ANKUB1: variants seen among roughly 807,000 people sequenced by gnomAD.
The protein encoded by ANKUB1 is protein ANKUB1.
A neutral mutation model predicts 49.3 loss-of-function variants in ANKUB1; 42 were observed. That is an observed-to-expected ratio of 0.85 (90% CI 0.67 to 1.10). The LOEUF (loss-of-function observed/expected upper bound fraction) is 1.10. Ranked by LOEUF, ANKUB1 falls within the 50% of genes least tolerant of loss-of-function variation. ANKUB1 has a pLI of 0.00. For synonymous variants in ANKUB1, 222 were observed against 231.0 expected (o/e 0.96, Z 0.35); for missense variants, 613 against 642.0 (o/e 0.95, Z 0.49).
chr3:149,769,508 T>C (rs909022144), intron 4 of ANKUB1, among the ~76,000 whole-genome samples: 4 of 152,212 alleles, frequency 2.6e-5, no homozygotes, highest in Non-Finnish European at 5.9e-5. Context: ...TAGAGTTACG[T>C]CTTGATAAAA....
At chr3:149,782,794 C>A (rs1451922023) in intron 2 of ANKUB1, among the ~76,000 whole-genome samples, 1 of 152,180 alleles carries the variant, frequency 6.6e-6, no homozygotes, top group Admixed American at 6.5e-5. Flanking sequence ...TCCACCTCAG[C>A]CTCCCAAAGT....
intron 5 of ANKUB1, among the ~76,000 whole-genome samples, chr3:149,763,240 C>T (rs1716852376): frequency 6.6e-6 from 1 of 152,282 alleles, no homozygotes; most frequent in East Asian, 1.9e-4. Context: ...CAGCCTTTCC[C>T]TGTATCCCAC....
chr3:149,773,193 G>A (rs1333746354), intron 3 of ANKUB1, among the ~76,000 whole-genome samples: 1 of 151,604 alleles, frequency 6.6e-6, no homozygotes, highest in East Asian at 1.9e-4. Context: ...CTCTGTACAC[G>A]AACACGACAA....
At chr3:149,786,524 T>C (rs1366495088) in intron 2 of ANKUB1, among the ~76,000 whole-genome samples, 1 of 152,242 alleles carries the variant, frequency 6.6e-6, no homozygotes, top group Admixed American at 6.5e-5. Flanking sequence ...TCTCCAATTC[T>C]GTAGGTTGCC....
intron 2 of ANKUB1, 28 bp from the exon 3 acceptor site, chr3:149,780,483 AT>A: frequency 6.6e-7 from 1 of 1,526,654 alleles, no homozygotes; most frequent in Non-Finnish European, 8.9e-7. Flanking sequence ...GAGGGAACTT[AT>A]TGTCTGGAGG....
At chr3:149,773,442 G>A (rs1019738031) in intron 3 of ANKUB1, among the ~76,000 whole-genome samples, 1 of 152,188 alleles carries the variant, frequency 6.6e-6, no homozygotes, top group African/African-American at 2.4e-5. Context: ...TCAGCTAGAA[G>A]AGTTTACTCT....
rs1388968050 is a variant in ANKUB1 at position 149,761,552 on chromosome 3, T to C, written c.1567A>G (p.Ser523Gly). ...CCTCGGGTAGTCAAGTTAGAAATGC[T>C]CTTTTTGGCCAGGACTCTTGCTATT... Reference protein sequence around the residue: ...LEIARVLAKKSISNLTTRGGL... With the variant: ...LEIARVLAKKGISNLTTRGGL... Residue 523 changes from serine to glycine, a missense_variant, in exon 6 of 6, where the codon AGC becomes GGC. Physicochemically the swap from Ser to Gly is moderately conservative, Grantham distance 56. Transcript: ENST00000446160. 1 of 1,551,450 alleles carries C rather than the reference T, an allele frequency of 6.4e-7. No homozygotes were observed. The highest frequency in any genetic ancestry group is 2.0e-5 in the Admixed American group (1 of 50,994).
Position 149,767,763 on chromosome 3 carries a change from G to C in ANKUB1, c.899C>G (p.Thr300Arg). 1 of 1,551,618 alleles carries C rather than the reference G, an allele frequency of 6.4e-7. No individual in the cohort carries two copies. The highest frequency in any genetic ancestry group is 8.7e-7 in the Non-Finnish European group (1 of 1,146,944). ...GACTGAAATTTTTGGAAAAGAAACT[G>C]TGGACCACATTTTACTGAGCAAATA... is the stretch of plus-strand genomic sequence containing the variant. ...VLYLLSKMWSTVSFPKISVPM... is the reference protein window; with the variant it reads ...VLYLLSKMWSRVSFPKISVPM... Residue 300 changes from threonine to arginine, a missense_variant, in exon 5 of 6, where the codon ACA (threonine) becomes AGA (arginine). Thr to Arg is a moderately conservative substitution (Grantham distance 71). Transcript: ENST00000446160.
rs530465311 is a variant in ANKUB1 at position 149,768,046 on chromosome 3, C to A, written c.616G>T (p.Glu206Ter). ...LYIAAFCGYI[E>*]LTEWALKQGA... Reference sequence around the variant, plus strand: ...TGCTTCAGGGCCCATTCAGTGAGTTCAATGTACCCACAAAAAGCAGCAATG... The same window carrying A: ...TGCTTCAGGGCCCATTCAGTGAGTTAAATGTACCCACAAAAAGCAGCAATG... The change falls in exon 5 of 6, where the codon GAA becomes TAA. Residue 206 changes from glutamate to a stop codon, truncating the protein, a stop_gained. Coordinates refer to ENST00000446160, the MANE Select transcript of ANKUB1 (RefSeq NM_001144960.3). LOFTEE classifies it high-confidence loss of function. The A allele has an allele frequency of 2.7e-6, 4 of 1,455,222 alleles. No individual in the cohort carries two copies. In the Admixed American group the frequency reaches 8.2e-5, roughly 30 times the overall value. 90.1% of individuals were successfully genotyped at this position (1,455,222 alleles called of 1,614,324 possible). A position where few individuals can be genotyped will look rare whatever the true frequency, so the allele number is the denominator to read the frequency against.
intron 2 of ANKUB1, among the ~76,000 whole-genome samples, chr3:149,789,186 C>A (rs1718246676): frequency 6.6e-6 from 1 of 152,114 alleles, no homozygotes; most frequent in Non-Finnish European, 1.5e-5. Flanking sequence ...TAAAATCAGT[C>A]CTTAGTTAAA....
chr3:149,771,279 C>T (rs974435726), intron 3 of ANKUB1, among the ~76,000 whole-genome samples: 8 of 152,154 alleles, frequency 5.3e-5, no homozygotes, highest in South Asian at 2.1e-4. Flanking sequence ...CTCAGCCTTC[C>T]GTTCTTCTCA....
rs2108263959 is a variant in ANKUB1, at chr3:149,767,414, GA to G, written c.1247del (p.Phe416SerfsTer26). 6.4e-7 allele frequency: 1 copy of G among 1,551,728 alleles called. No homozygotes were observed. The highest frequency in any genetic ancestry group is 8.7e-7 in the Non-Finnish European group (1 of 1,146,996). The stretch of plus-strand genomic sequence containing the variant: ...GTTGTTGATGTTTTTGTAATTCAGA[GA>G]ATGAACTTGCATTCACCAGTGGATG... The part of the protein sequence containing the change: ...KFHPLVNASS[F>X]SELQKHQQQN... On this transcript the variant is annotated frameshift_variant, in exon 5 of 6. Transcript: ENST00000446160. LOFTEE classifies it high-confidence loss of function.
intron 2 of ANKUB1, among the ~76,000 whole-genome samples, chr3:149,782,766 C>T (rs997734146): frequency 1.3e-5 from 2 of 152,174 alleles, no homozygotes; most frequent in Non-Finnish European, 2.9e-5. Flanking sequence ...TCTGGACCCC[C>T]TGGCCTCAAG....
Position 149,767,758 on chromosome 3 carries a change from A to C in ANKUB1, c.904T>G (p.Ser302Ala). The C allele has an allele frequency of 1.3e-6, 2 of 1,551,646 alleles. No individual in the cohort carries two copies. The highest frequency in any genetic ancestry group is 1.7e-6 in the Non-Finnish European group (2 of 1,146,954). The part of the protein sequence containing the change: ...YLLSKMWSTV[S>A]FPKISVPMRI... The stretch of plus-strand genomic sequence containing the variant: ...ATTGGGACTGAAATTTTTGGAAAAG[A>C]AACTGTGGACCACATTTTACTGAGC... The change falls in exon 5 of 6, where the codon TCT (serine) becomes GCT (alanine). Residue 302 changes from serine to alanine, a missense_variant. Ser to Ala is a moderately conservative substitution (Grantham distance 99, BLOSUM62 1). Transcript: ENST00000446160.
At chr3:149,784,241 C>T (rs920865944) in intron 2 of ANKUB1, among the ~76,000 whole-genome samples, 1 of 152,120 alleles carries the variant, frequency 6.6e-6, no homozygotes, top group African/African-American at 2.4e-5. Flanking sequence ...TGGTACAAGT[C>T]TGGTTATAGA....
intron 3 of ANKUB1, among the ~76,000 whole-genome samples, chr3:149,774,130 T>C (rs1717485182): frequency 6.6e-6 from 1 of 152,188 alleles, no homozygotes; most frequent in African/African-American, 2.4e-5. Flanking sequence ...ATATTGTGAA[T>C]CCCAATATTC....
At chr3:149,784,570 G>C (rs192428149) in intron 2 of ANKUB1, among the ~76,000 whole-genome samples, 1 of 152,196 alleles carries the variant, frequency 6.6e-6, no homozygotes, top group African/African-American at 2.4e-5. Flanking sequence ...GTTCTGGGGC[G>C]TGCTTTAGAT....
chr3:149,763,576 C>T (rs1716863460), intron 5 of ANKUB1, among the ~76,000 whole-genome samples: 1 of 152,234 alleles, frequency 6.6e-6, no homozygotes, highest in African/African-American at 2.4e-5. Context: ...TCTCAGTCCA[C>T]TCAAACTCTC....
At chr3:149,787,458 G>A (rs1259233115) in intron 2 of ANKUB1, among the ~76,000 whole-genome samples, 1 of 152,180 alleles carries the variant, frequency 6.6e-6, no homozygotes, top group Admixed American at 6.5e-5. Context: ...ATTAGCTTAA[G>A]GAGATTTTGG....
Sources: gnomAD v4.1 joint callset for allele counts (sites outside exome capture counted in the v4.1 genomes callset) on GRCh38, gnomAD v4.1.1 for gene constraint, MANE v1.5 for transcripts, NCBI Gene and HGNC (gene_info 2026-07-23, HGNC 2026-07-21) for gene names.